PARVG: variants seen among roughly 807,000 people sequenced by gnomAD.
PARVG encodes parvin gamma.
In PARVG, 36 loss-of-function variants were observed where a neutral mutation model predicts 44.4. That is an observed-to-expected ratio of 0.81 (90% CI 0.62 to 1.07). PARVG has a LOEUF of 1.07. PARVG is among the 50% of genes least tolerant of loss of function. PARVG has a pLI of 0.00. For missense variants in PARVG, 407 were observed against 407.4 expected (o/e 1.00, Z 0.01); for synonymous variants, 170 against 174.1 (o/e 0.98, Z 0.19).
intron 12 of PARVG, among the ~76,000 whole-genome samples, chr22:44,201,727 T>G (rs1481122541): frequency 6.6e-6 from 1 of 152,206 alleles, no homozygotes; most frequent in East Asian, 1.9e-4. Flanking sequence ...GCAGGTCGGC[T>G]GAGTTTAGCT....
upstream of PARVG, among the ~76,000 whole-genome samples, chr22:44,176,648 T>TC (rs2054321693): frequency 6.6e-6 from 1 of 151,714 alleles, no homozygotes; most frequent in Non-Finnish European, 1.5e-5. Flanking sequence ...CAAAGGCTTT[T>TC]TTTTTTCTTT....
rs768972686 is a variant in PARVG, at chr22:44,206,445, C to G, written c.*19C>G. On this transcript the variant is annotated 3_prime_UTR_variant, in exon 14 of 14. Transcript: ENST00000444313. The stretch of plus-strand genomic sequence containing the variant: ...GAATTGACCCTCACTGCCTCCAAAG[C>G]CCAGAGCCTGCCTGTCAGCCCAGCT... The G allele has an allele frequency of 6.2e-7, 1 of 1,609,174 alleles. No individual in the cohort carries two copies. Among genetic ancestry groups the G allele is most frequent in the Admixed American group, 1.7e-5 (1 of 59,978 alleles).
intron 12 of PARVG, among the ~76,000 whole-genome samples, chr22:44,203,430 A>G (rs1203294614): frequency 6.6e-6 from 1 of 152,196 alleles, no homozygotes; most frequent in East Asian, 1.9e-4. Context: ...AAGGACTTCC[A>G]TAGTATTTTA....
intron 11 of PARVG, among the ~76,000 whole-genome samples, chr22:44,196,647 C>G (rs1472305220): frequency 6.6e-6 from 1 of 152,078 alleles, no homozygotes; most frequent in Non-Finnish European, 1.5e-5. Flanking sequence ...GCTGGAGTCA[C>G]CTCGGCTGTC....
chr22:44,185,999 G>T (rs552933933), intron 4 of PARVG, 127 bp downstream of exon 4: 2 of 708,224 alleles, frequency 2.8e-6, no homozygotes, highest in Non-Finnish European at 4.7e-6. Flanking sequence ...GGCGACCCCC[G>T]AAGACCCCTG....
At chr22:44,192,437 G>A (rs892135047) in intron 8 of PARVG, among the ~76,000 whole-genome samples, 2 of 152,226 alleles carry the variant, frequency 1.3e-5, no homozygotes, top group African/African-American at 4.8e-5. Flanking sequence ...AAAGCTGTAA[G>A]AGTTAGAGGC....
Position 44,190,593 on chromosome 22 carries a change from T to A in PARVG, c.431T>A (p.Val144Glu). ...CTGTTGTCTACCCTGCACCTCCTTG[T>A]GGCCCTGGCCAAGCGCTTCCAGCCC... ...KDLLSTLHLL[V>E]ALAKRFQPDL... is the part of the protein sequence containing the mutation. Residue 144 changes from valine to glutamate, a missense_variant, in exon 7 of 14, where the codon GTG becomes GAG. Physicochemically the swap from Val to Glu is moderately radical, Grantham distance 121. Transcript: ENST00000444313. 1 of 1,614,180 alleles carries A rather than the reference T, an allele frequency of 6.2e-7. No individual in the cohort carries two copies. The highest frequency in any genetic ancestry group is 8.5e-7 in the Non-Finnish European group (1 of 1,179,988).
intron 4 of PARVG, chr22:44,186,877 G>T (rs963571629): frequency 2.9e-6 from 1 of 347,546 alleles, no homozygotes; most frequent in African/African-American, 2.1e-5. Flanking sequence ...GATGGAGCTG[G>T]GGTATTTATA....
chr22:44,188,984 A>G (rs551381424), intron 5 of PARVG, 130 bp from the exon 6 acceptor site: 29 of 1,272,374 alleles, frequency 2.3e-5, no homozygotes, highest in East Asian at 2.1e-4. Context: ...CCACGGTCCA[A>G]CACCAAGAAT....
Position 44,185,885 on chromosome 22 carries a change from C to T in PARVG, c.144+13C>T. 2.5e-6 allele frequency: 4 copies of T among 1,611,422 alleles called. No homozygotes were observed. The East Asian group carries it at 6.7e-5, about 27-fold the overall frequency. ...AGAACTGCAGAAGGTACAGCAGCCT[C>T]CACAGCCCTGACTTCCCTGGGTGCC... is the stretch of plus-strand genomic sequence containing the variant. On this transcript the variant is annotated intron_variant, in intron 4 of 13. Transcript: ENST00000444313.
rs2054796857 is a variant in PARVG, at chr22:44,207,456, G to T, written c.*1030G>T. ...AGGCTGGTGGGGAGGGCTGGGGCCT[G>T]GTGGGGAGGAGTGGGACTTGTGGGG... is the stretch of plus-strand genomic sequence containing the variant. On this transcript the variant is annotated 3_prime_UTR_variant, in exon 14 of 14. Transcript: ENST00000444313. 1 of 144,318 alleles carries T rather than the reference G, an allele frequency of 6.9e-6. No homozygotes were observed. Among genetic ancestry groups the T allele is most frequent in the Admixed American group, 6.9e-5 (1 of 14,540 alleles). 8.9% of individuals were successfully genotyped at this position (144,318 alleles called of 1,614,324 possible).
chr22:44,198,498 C>T (rs989511111), intron 11 of PARVG, 123 bp from the exon 12 acceptor site: 7 of 764,456 alleles, frequency 9.2e-6, no homozygotes, highest in African/African-American at 3.5e-5. Flanking sequence ...CCCCACTTCT[C>T]ATCAAGGCAC....
intron 3 of PARVG, chr22:44,185,483 G>A (rs747159138): frequency 2.0e-4 from 52 of 257,876 alleles, no homozygotes; most frequent in Non-Finnish European, 2.9e-4. Context: ...GTGAGCCTGG[G>A]CACCTCCTCC....
chr22:44,197,620 T>C (rs1161442123), intron 11 of PARVG, among the ~76,000 whole-genome samples: 1 of 152,212 alleles, frequency 6.6e-6, no homozygotes, highest in Non-Finnish European at 1.5e-5. Flanking sequence ...CCACCACTTA[T>C]GGGCCCTGGG....
At chr22:44,198,989 T>TCCACCCAC (rs1300207001) in intron 12 of PARVG, among the ~76,000 whole-genome samples, 1 of 33,338 alleles carries the variant, frequency 3.0e-5, no homozygotes, top group African/African-American at 9.9e-5. Flanking sequence ...CATCCATCCA[T>TCCACCCAC]CATCTACCTA....
chr22:44,183,607 T>C (rs768315350), intron 3 of PARVG, 199 bp downstream of exon 3: 2 of 525,652 alleles, frequency 3.8e-6, no homozygotes, highest in South Asian at 5.7e-5. Flanking sequence ...ACCTCTTCTC[T>C]CCAGATGAGA....
chr22:44,181,826 C>A lies in PARVG; in HGVS notation c.-104C>A. ...CCTCCCGGCCTGGTCCCCGAAGACC[C>A]CAGAAGAACCCGGAACTTGCTTCCA... On this transcript the variant is annotated 5_prime_UTR_variant, in exon 2 of 14. Coordinates refer to ENST00000444313, the MANE Select transcript of PARVG (RefSeq NM_022141.7). 1 of 985,524 alleles carries A rather than the reference C, an allele frequency of 1.0e-6. No homozygotes were observed. The highest frequency in any genetic ancestry group is 1.2e-6 in the Non-Finnish European group (1 of 830,016). The allele number at this position is 985,524 out of a possible 1,614,324, so 61.0% of individuals were successfully genotyped here.
At chr22:44,201,470 C>T (rs2054707898) in intron 12 of PARVG, among the ~76,000 whole-genome samples, 1 of 152,176 alleles carries the variant, frequency 6.6e-6, no homozygotes, top group Admixed American at 6.5e-5. Context: ...GTGTGGCCTC[C>T]ACCTTCCCTG....
At chr22:44,178,813 T>G (rs749452145), upstream of PARVG, among the ~76,000 whole-genome samples, 38 of 152,260 alleles carry the variant, frequency 2.5e-4, no homozygotes, top group Admixed American at 5.2e-4. Flanking sequence ...GTAATAGACA[T>G]TTTTTGAAGC....
Sources: allele counts gnomAD v4.1 joint callset (sites outside exome capture counted in the v4.1 genomes callset), GRCh38; gene constraint gnomAD v4.1.1; transcripts MANE v1.5; gene names NCBI Gene and HGNC (gene_info 2026-07-23, HGNC 2026-07-21).